Variants in SLC45A4 observed in about 807,000 individuals in gnomAD.
SLC45A4 encodes the protein polyamine-transporter SLC45A4.
Under a neutral mutation model 63.7 loss-of-function variants are expected in SLC45A4, and 32 were observed. The ratio of observed to expected loss-of-function variants is 0.50; its 90% CI spans 0.38 to 0.67. SLC45A4 has a LOEUF of 0.67. Among genes scored for constraint, SLC45A4 ranks in the 30% least tolerant of loss-of-function variants. SLC45A4 has a pLI of 0.00. For missense variants in SLC45A4, 1,027 were observed against 1,157.7 expected (o/e 0.89, Z 1.64); for synonymous variants, 535 against 510.0 (o/e 1.05, Z -0.66).
intron 1 of SLC45A4, among the ~76,000 whole-genome samples, chr8:141,258,058 TC>T (rs1177223369): frequency 6.3e-5 from 8 of 126,220 alleles, no homozygotes; most frequent in Non-Finnish European, 1.3e-4. Context: ...TGTTTCTTCT[TC>T]CTTTTTTTTT....
chr8:141,270,347 C>T (rs140423871), intron 1 of SLC45A4, among the ~76,000 whole-genome samples: 2 of 148,458 alleles, frequency 1.3e-5, no homozygotes, highest in South Asian at 2.2e-4. Context: ...GGCGACACAG[C>T]GAGACCCCAT....
chr8:141,278,843 G>A lies in SLC45A4; in HGVS notation c.-400-24214C>T, dbSNP rs1237227218. Among the ~76,000 whole-genome samples the A allele has an allele frequency of 6.6e-6, 1 of 152,230 alleles. No homozygotes were observed. Among genetic ancestry groups the A allele is most frequent in the African/African-American group, 2.4e-5 (1 of 41,458 alleles). ...ACCTGCTGGGGGCATCCTTTGCCCCGGGCTCTGTCCCTACTGCCCCCAGGC... is the reference window on the plus strand; with the variant it reads ...ACCTGCTGGGGGCATCCTTTGCCCCAGGCTCTGTCCCTACTGCCCCCAGGC... On this transcript the variant is annotated intron_variant, in intron 1 of 8. Coordinates refer to ENST00000517878, the MANE Select transcript of SLC45A4 (RefSeq NM_001286646.2). The surrounding 1 kb of genome is among the most constrained non-coding windows in gnomAD (Gnocchi z 4.1).
intron 2 of SLC45A4, among the ~76,000 whole-genome samples, chr8:141,245,878 A>C (rs1470678787): frequency 6.6e-6 from 1 of 152,168 alleles, no homozygotes; most frequent in African/African-American, 2.4e-5. Context: ...AACTGCCATC[A>C]AGGGCCACCT....
At chr8:141,294,574 C>T (rs929450813) in intron 1 of SLC45A4, among the ~76,000 whole-genome samples, 8 of 152,240 alleles carry the variant, frequency 5.3e-5, no homozygotes, top group Admixed American at 5.2e-4. Flanking sequence ...CCCTCACAGC[C>T]AGTTCCCTGT....
intron 1 of SLC45A4, among the ~76,000 whole-genome samples, chr8:141,301,635 G>A (rs1830745739): frequency 6.6e-6 from 1 of 150,968 alleles, no homozygotes; most frequent in Admixed American, 6.6e-5. Flanking sequence ...CCTGGAGGGT[G>A]GAGGTGGGAG....
rs923198421 is a variant in SLC45A4, at chr8:141,229,043, G to A, written c.242-7278C>T. On this transcript the variant is annotated intron_variant, in intron 2 of 8. Transcript: ENST00000517878. The surrounding 1 kb of genome is among the most constrained non-coding windows in gnomAD (Gnocchi z 5.0). The stretch of plus-strand genomic sequence containing the variant: ...ACTTGTCTCCCCATCGGCTCCTCCC[G>A]CCCATGGGACCTTCGAAGACACTGC... 1.3e-5 allele frequency among the ~76,000 whole-genome samples: 2 copies of A among 152,020 alleles called. No individual in the cohort carries two copies. Among genetic ancestry groups the A allele is most frequent in the Non-Finnish European group, 2.9e-5 (2 of 67,998 alleles).
chr8:141,238,396 T>C (rs1827736294), intron 2 of SLC45A4, among the ~76,000 whole-genome samples: 1 of 152,192 alleles, frequency 6.6e-6, no homozygotes, highest in Admixed American at 6.5e-5. Context: ...TAGACTGCCG[T>C]GCAACCATCA....
At chr8:141,269,380 C>A (rs1383334713) in intron 1 of SLC45A4, among the ~76,000 whole-genome samples, 2 of 152,196 alleles carry the variant, frequency 1.3e-5, no homozygotes, top group Non-Finnish European at 2.9e-5. Context: ...GCTCTCCTTT[C>A]AATTAGAGCT....
intron 1 of SLC45A4, among the ~76,000 whole-genome samples, chr8:141,287,347 G>C (rs2154615212): frequency 6.6e-6 from 1 of 152,340 alleles, no homozygotes; most frequent in South Asian, 2.1e-4. Flanking sequence ...CAGCTGCTCT[G>C]ATGCTCTGAT....
intron 2 of SLC45A4, chr8:141,225,880 C>T (rs2154614155): frequency 6.5e-6 from 1 of 153,266 alleles, no homozygotes; most frequent in East Asian, 1.9e-4. Context: ...CCTTTGCCCT[C>T]AGCTCTGACT....
intron 6 of SLC45A4, 83 bp from the exon 7 acceptor site, chr8:141,216,053 C>T (rs1826129401): frequency 1.6e-6 from 2 of 1,223,090 alleles, no homozygotes; most frequent in Admixed American, 2.0e-5. Flanking sequence ...TCCCCTCGCC[C>T]CCCACATCCC....
At chr8:141,246,148 A>C (rs566282291) in intron 2 of SLC45A4, among the ~76,000 whole-genome samples, 1 of 152,296 alleles carries the variant, frequency 6.6e-6, no homozygotes, top group South Asian at 2.1e-4. Flanking sequence ...TACCCCTTCT[A>C]CCAAGATGAG....
intron 1 of SLC45A4, among the ~76,000 whole-genome samples, chr8:141,257,423 G>T (rs1589822726): frequency 6.6e-6 from 1 of 152,340 alleles, no homozygotes; most frequent in African/African-American, 2.4e-5. Flanking sequence ...GAAAACATCA[G>T]CTGGGTTTTG....
Position 141,211,695 on chromosome 8 carries a change from C to G in SLC45A4, c.2304G>C (p.Thr768=). 6.5e-7 allele frequency: 1 copy of G among 1,548,126 alleles called. No individual in the cohort carries two copies. Among genetic ancestry groups the G allele is most frequent in the Non-Finnish European group, 8.7e-7 (1 of 1,150,680 alleles). ...LQGPVETESV[T]PAGIDVCQIS... is the part of the protein sequence containing the mutation. ...TCTGACAGACGTCAATACCTGCAGGCGTCTACAGAGAGGAAATTTGATAAA... is the reference window on the plus strand; with the variant it reads ...TCTGACAGACGTCAATACCTGCAGGGGTCTACAGAGAGGAAATTTGATAAA... Residue 768 remains threonine, a splice_region_variant and synonymous_variant, in exon 9 of 9, where the codon ACG becomes ACC. Coordinates refer to ENST00000517878, the MANE Select transcript of SLC45A4 (RefSeq NM_001286646.2).
chr8:141,277,493 A>T (rs959600672), intron 1 of SLC45A4, among the ~76,000 whole-genome samples: 15 of 152,232 alleles, frequency 9.9e-5, no homozygotes, highest in Non-Finnish European at 2.1e-4. Context: ...TGTGAACTCC[A>T]AATGATAGTG....
chr8:141,233,498 A>G (rs907026862), intron 2 of SLC45A4, among the ~76,000 whole-genome samples: 2 of 152,134 alleles, frequency 1.3e-5, no homozygotes, highest in Non-Finnish European at 2.9e-5. Flanking sequence ...CCTGGCCAAC[A>G]TGGTAAAACC....
intron 1 of SLC45A4, among the ~76,000 whole-genome samples, chr8:141,305,861 A>G (rs892707594): frequency 2.0e-5 from 3 of 150,850 alleles, no homozygotes; most frequent in African/African-American, 7.3e-5. Context: ...ATTGGCTGAA[A>G]TACCTTCCTC....
At position 141,212,269 on chromosome 8, in the gene SLC45A4, G is replaced by C. The variant is rs1174274475; in HGVS notation, c.2229C>G (p.Asn743Lys). ...GCTTCAGCACGGTGGGCTTTTCGCT[G>C]TTCCCACCGGCCCTGCCTTCGCCGG... The part of the protein sequence containing the change: ...PLAGEGRAGG[N>K]SEKPTVLKLT... The change falls in exon 8 of 9, where the codon AAC becomes AAG. Residue 743 changes from asparagine (N) to lysine (K), a missense_variant. Transcript: ENST00000517878. The C allele has an allele frequency of 6.3e-7, 1 of 1,598,308 alleles. No homozygotes were observed. The highest frequency in any genetic ancestry group is 1.7e-5 in the Admixed American group (1 of 58,824).
At chr8:141,303,383 T>G (rs1830809331) in intron 1 of SLC45A4, among the ~76,000 whole-genome samples, 1 of 144,830 alleles carries the variant, frequency 6.9e-6, no homozygotes, top group African/African-American at 2.6e-5. Flanking sequence ...CAAGCGATCC[T>G]CCTGCCTCAG....
Sources: allele counts gnomAD v4.1 joint callset (sites outside exome capture counted in the v4.1 genomes callset), GRCh38; gene constraint gnomAD v4.1.1; non-coding constraint Gnocchi (gnomAD v3.1); transcripts MANE v1.5; gene names NCBI Gene and HGNC (gene_info 2026-07-23, HGNC 2026-07-21).